The following RARB variants were observed in gnomAD, a reference collection of about 807,000 sequenced individuals.
The protein encoded by RARB is HBV-activated protein.
Under a neutral mutation model 51.9 loss-of-function variants are expected in RARB, and 17 were observed. That is an observed-to-expected ratio of 0.33 (90% CI 0.22 to 0.49). The LOEUF is 0.49. Ranked by LOEUF, RARB falls within the 20% of genes least tolerant of loss-of-function variation. RARB has a pLI of 0.99. For missense variants in RARB, 369 were observed against 550.8 expected (o/e 0.67, Z 3.30); for synonymous variants, 215 against 195.4 (o/e 1.10, Z -0.84).
rs186390755 is a variant in RARB, at chr3:24,869,152, A to G, written c.-380+10400A>G. Among the ~76,000 whole-genome samples, 23 of 152,294 alleles carry G rather than the reference A, an allele frequency of 1.5e-4. No homozygotes were observed. The East Asian group carries it at 3.7e-3, about 24-fold the overall frequency. ...GGTATAGTCTCTTATTCATTTATGT[A>G]TGATGTTATTTTAAATGTCTTACAC... On this transcript the variant is annotated intron_variant, in intron 2 of 11. Transcript: ENST00000383772.
chr3:25,283,552 C>T (rs1703576429), intron 5 of RARB, among the ~76,000 whole-genome samples: 1 of 152,202 alleles, frequency 6.6e-6, no homozygotes, highest in South Asian at 2.1e-4. Context: ...TTAGAGGTGG[C>T]TCATTGGAGT....
At chr3:25,346,987 A>T (rs1705414990) in intron 5 of RARB, among the ~76,000 whole-genome samples, 2 of 152,198 alleles carry the variant, frequency 1.3e-5, no homozygotes, top group South Asian at 4.1e-4. Context: ...AACTCTAACG[A>T]GTGTTGTGAA....
intron 5 of RARB, among the ~76,000 whole-genome samples, chr3:25,340,089 G>A (rs562285946): frequency 1.3e-5 from 2 of 152,196 alleles, no homozygotes; most frequent in Admixed American, 6.6e-5. Context: ...AGGAGAACAC[G>A]TGGGATGAAC....
intron 5 of RARB, among the ~76,000 whole-genome samples, chr3:25,175,832 A>G (rs186651191): frequency 1.2e-4 from 19 of 152,148 alleles, no homozygotes; most frequent in African/African-American, 4.1e-4. Context: ...ACCTCCTCCC[A>G]TGCTTCTGAA....
At chr3:25,525,710 G>C (rs1698616025) in intron 3 of RARB, among the ~76,000 whole-genome samples, 1 of 152,082 alleles carries the variant, frequency 6.6e-6, no homozygotes, top group Admixed American at 6.5e-5. Context: ...GGTCATCACT[G>C]CTTAGAACTG....
chr3:25,377,170 T>C (rs1706488287), intron 5 of RARB, among the ~76,000 whole-genome samples: 1 of 152,170 alleles, frequency 6.6e-6, no homozygotes, highest in Non-Finnish European at 1.5e-5. Flanking sequence ...TAATAACAGA[T>C]TCCTCTCAGA....
chr3:24,978,180 A>G lies in RARB; in HGVS notation c.-379-81945A>G, dbSNP rs1696561093. On this transcript the variant is annotated intron_variant, in intron 2 of 11. Coordinates refer to the RARB transcript ENST00000383772. Reference sequence around the variant, plus strand: ...GTATTTTATTGAGGATTTTTGCATCAATGTTCAACAGGGATATTGGCCTAA... The same window carrying G: ...GTATTTTATTGAGGATTTTTGCATCGATGTTCAACAGGGATATTGGCCTAA... 2.0e-5 allele frequency among the ~76,000 whole-genome samples: 3 copies of G among 152,014 alleles called. No individual in the cohort carries two copies. The South Asian group carries it at 6.2e-4, about 31-fold the overall frequency.
intron 3 of RARB, among the ~76,000 whole-genome samples, chr3:25,121,497 G>A (rs1168198757): frequency 6.6e-6 from 1 of 152,076 alleles, no homozygotes; most frequent in Non-Finnish European, 1.5e-5. Flanking sequence ...TGGTGCAAAA[G>A]AAAAATATCC....
rs184611914 is a variant in RARB, at chr3:25,507,479, G to A, written c.448+6156G>A. ...TTGACTAACAGCCCAGGCGTGACAT[G>A]AGAATTGATGCTTTTAATCCTGTTT... On this transcript the variant is annotated intron_variant, in intron 3 of 7. Transcript: ENST00000330688. 5.2e-3 allele frequency among the ~76,000 whole-genome samples: 797 copies of A among 152,290 alleles called. 1 individual carries two copies. Among genetic ancestry groups the A allele is most frequent in the Non-Finnish European group, 7.6e-3 (516 of 68,032 alleles).
At chr3:25,001,250 A>G (rs1697152197) in intron 2 of RARB, among the ~76,000 whole-genome samples, 1 of 152,200 alleles carries the variant, frequency 6.6e-6, no homozygotes, top group South Asian at 2.1e-4. Context: ...AATACATAAT[A>G]TAAAACCAGC....
At chr3:24,996,307 C>A (rs6797290) in intron 2 of RARB, among the ~76,000 whole-genome samples, 65,823 of 151,672 alleles carry the variant, frequency 0.43, 14,472 homozygotes, top group East Asian at 0.63. Context: ...TGTGATGTGT[C>A]CATTTTTTAA....
At chr3:25,186,074 C>G (rs369221810) in intron 5 of RARB, among the ~76,000 whole-genome samples, 7 of 151,880 alleles carry the variant, frequency 4.6e-5, no homozygotes, top group Non-Finnish European at 1.0e-4. Flanking sequence ...ATACAACTAA[C>G]AAAGACAAAA....
At position 24,940,330 on chromosome 3, in the gene RARB, G is replaced by C. The variant is rs143191160; in HGVS notation, c.-380+81578G>C. Among the ~76,000 whole-genome samples, 950 of 152,204 alleles carry C rather than the reference G, an allele frequency of 6.2e-3. 7 individuals are homozygous for C. Among genetic ancestry groups the C allele is most frequent in the African/African-American group, 0.021 (880 of 41,526 alleles). On this transcript the variant is annotated intron_variant, in intron 2 of 11. Transcript: ENST00000383772. ...TCTTCATGGGCTCAAAAAAGACTCA[G>C]GACTAAGATACAGGTCTGTGATGCT...
intron 2 of RARB, among the ~76,000 whole-genome samples, chr3:25,003,344 C>T (rs186115854): frequency 6.6e-6 from 1 of 152,044 alleles, no homozygotes; most frequent in African/African-American, 2.4e-5. Flanking sequence ...TCAGAATGGA[C>T]CTGGACCGAA....
chr3:25,161,528 T>C (rs1438533623), intron 4 of RARB, among the ~76,000 whole-genome samples: 2 of 152,132 alleles, frequency 1.3e-5, no homozygotes, highest in Non-Finnish European at 2.9e-5. Flanking sequence ...GAATTGTAAA[T>C]TAACGATACT....
At chr3:25,458,791 A>G (rs751107243) in intron 1 of RARB, among the ~76,000 whole-genome samples, 4 of 152,234 alleles carry the variant, frequency 2.6e-5, no homozygotes, top group Non-Finnish European at 5.9e-5. Flanking sequence ...CTATAATTAT[A>G]GTTGATTCTG....
At chr3:25,081,746 C>T (rs2125313278) in intron 3 of RARB, among the ~76,000 whole-genome samples, 1 of 144,380 alleles carries the variant, frequency 6.9e-6, no homozygotes, top group South Asian at 2.3e-4. Context: ...GATTCTCCTG[C>T]CTCAGCCTCC....
intron 5 of RARB, among the ~76,000 whole-genome samples, chr3:25,187,162 G>A (rs118074165): frequency 6.6e-6 from 1 of 152,028 alleles, no homozygotes; most frequent in East Asian, 1.9e-4. Context: ...GGAGAGCATG[G>A]TGAGAGGAAG....
chr3:25,542,908 G>A (rs1039732778), intron 3 of RARB, among the ~76,000 whole-genome samples: 6 of 151,822 alleles, frequency 4.0e-5, no homozygotes, highest in Non-Finnish European at 8.8e-5. Context: ...ATCAAGTGGT[G>A]TGTTCACATA....
Sources: allele counts gnomAD v4.1 joint callset (sites outside exome capture counted in the v4.1 genomes callset), GRCh38; gene constraint gnomAD v4.1.1; transcripts MANE v1.5; gene names NCBI Gene and HGNC (gene_info 2026-07-23, HGNC 2026-07-21).